SLC12A1: variants seen among roughly 807,000 people sequenced by gnomAD.
SLC12A1 encodes Na-K-2Cl cotransporter.
A neutral mutation model predicts 130.4 loss-of-function variants in SLC12A1; 89 were observed. The ratio of observed to expected loss-of-function variants is 0.68; its 90% CI spans 0.58 to 0.81. The LOEUF is 0.81. SLC12A1 is among the 40% of genes least tolerant of loss of function. SLC12A1 has a pLI of 0.00. For synonymous variants in SLC12A1, 499 were observed against 460.0 expected, an observed-to-expected ratio of 1.08 and a Z score of -1.09; for missense variants, 1,310 against 1,336.4, an observed-to-expected ratio of 0.98 and a Z score of 0.31.
intron 5 of SLC12A1, chr15:48,228,016 T>C (rs770950874): frequency 4.6e-5 from 7 of 152,208 alleles, no homozygotes; most frequent in Non-Finnish European, 1.0e-4. Flanking sequence ...CCAAAAGAGT[T>C]ACTATAGTGA....
intron 4 of SLC12A1, chr15:48,225,292 T>C (rs980882389): frequency 6.6e-6 from 1 of 152,194 alleles, no homozygotes; most frequent in African/African-American, 2.4e-5. Flanking sequence ...TGCTATACTG[T>C]ATGTAGTTCT....
chr15:48,288,656 T>A, intron 23 of SLC12A1, 140 bp downstream of exon 23: 1 of 564,368 alleles, frequency 1.8e-6, no homozygotes, highest in Non-Finnish European at 3.2e-6. Flanking sequence ...GTTTACTTGG[T>A]TATCTGGTCA....
intron 10 of SLC12A1, among the ~76,000 whole-genome samples, chr15:48,243,914 G>T (rs34220787): frequency 6.6e-6 from 1 of 152,068 alleles, no homozygotes; most frequent in Non-Finnish European, 1.5e-5. Context: ...TACTTCACAC[G>T]TATATTCATA....
rs36036907 is a variant in SLC12A1 at position 48,291,965 on chromosome 15, C to T, written c.2960+101C>T. ...TAAAAATGTTATGTATTTACTGCAGCGACTTCTTGATAGGATCTAATAAGA... is the reference window on the plus strand; with the variant it reads ...TAAAAATGTTATGTATTTACTGCAGTGACTTCTTGATAGGATCTAATAAGA... On this transcript the variant is annotated intron_variant, in intron 24 of 26. Coordinates refer to ENST00000380993, the MANE Select transcript of SLC12A1 (RefSeq NM_000338.3). The T allele has an allele frequency of 5.6e-3, 4,225 of 753,418 alleles. 52 individuals carry two copies. Among genetic ancestry groups the T allele is most frequent in the Middle Eastern group, 0.034 (136 of 4,050 alleles). The allele number at this position is 753,418 out of a possible 1,614,324, so 46.7% of individuals were successfully genotyped here.
chr15:48,213,954 G>A (rs575161107), intron 2 of SLC12A1, among the ~76,000 whole-genome samples: 1 of 152,212 alleles, frequency 6.6e-6, no homozygotes, highest in South Asian at 2.1e-4. Context: ...TTCTATAAAA[G>A]GACAAAAATG....
chr15:48,247,296 A>G (rs751726596), intron 12 of SLC12A1, 41 bp from the exon 13 acceptor site: 2 of 1,586,922 alleles, frequency 1.3e-6, no homozygotes, highest in Non-Finnish European at 1.7e-6. Context: ...ATGACTGTGC[A>G]TAGCTATAAA....
In SLC12A1 at chr15:48,251,630, A is replaced by C; in HGVS notation, c.1802A>C (p.Tyr601Ser). Reference sequence around the variant, plus strand: ...TTGTTTTCAGGATGGAGACCTGCGTATGGAATTTACAACATGTGGGTATCT... The same window carrying C: ...TTGTTTTCAGGATGGAGACCTGCGTCTGGAATTTACAACATGTGGGTATCT... ...YAKSPGWRPAYGIYNMWVSLF... is the reference protein window; with the variant it reads ...YAKSPGWRPASGIYNMWVSLF... Residue 601 changes from tyrosine (Y) to serine (S), a missense_variant, in exon 15 of 27, where the codon TAT (tyrosine) becomes TCT (serine). By Grantham distance (144) the Tyr-to-Ser change is moderately radical (BLOSUM62 -2). Coordinates refer to ENST00000380993, the MANE Select transcript of SLC12A1 (RefSeq NM_000338.3). 6.2e-7 allele frequency: 1 copy of C among 1,613,792 alleles called. No homozygotes were observed. The highest frequency in any genetic ancestry group is 8.5e-7 in the Non-Finnish European group (1 of 1,179,732).
At chr15:48,294,389 A>G (rs1223824998) in intron 24 of SLC12A1, among the ~76,000 whole-genome samples, 2 of 151,926 alleles carry the variant, frequency 1.3e-5, no homozygotes, top group African/African-American at 4.8e-5. Flanking sequence ...AGAAAAATAC[A>G]TTAACTGTGA....
intron 5 of SLC12A1, 150 bp from the exon 6 acceptor site, chr15:48,229,039 C>A: frequency 1.3e-6 from 1 of 777,622 alleles, no homozygotes; most frequent in Non-Finnish European, 2.0e-6. Flanking sequence ...AAGTTATTCA[C>A]TGGGTAACAC....
rs748462227 is a variant in SLC12A1 at position 48,285,133 on chromosome 15, G to A, written c.2513G>A (p.Arg838Lys). ...GAATTAGAGAGATTAGAACAGGAGA[G>A]ACTAGCATTGGAAGCGACTATCAAA... Reference protein sequence around the residue: ...QEELERLEQERLALEATIKDN... With the variant: ...QEELERLEQEKLALEATIKDN... Residue 838 changes from arginine to lysine, a missense_variant, in exon 21 of 27, where the codon AGA becomes AAA. Physicochemically the swap from Arg to Lys is conservative, Grantham distance 26. Transcript: ENST00000380993. The A allele has an allele frequency of 1.9e-6, 3 of 1,613,158 alleles. No homozygotes were observed. Among genetic ancestry groups the A allele is most frequent in the East Asian group, 4.5e-5 (2 of 44,860 alleles).
intron 9 of SLC12A1, among the ~76,000 whole-genome samples, chr15:48,239,705 C>A (rs960009662): frequency 4.0e-5 from 6 of 151,678 alleles, no homozygotes; most frequent in Non-Finnish European, 8.8e-5. Flanking sequence ...GGCTGGAGTG[C>A]GGTGGCACAA....
intron 10 of SLC12A1, among the ~76,000 whole-genome samples, chr15:48,242,913 TGAC>T (rs1287535310): frequency 6.6e-6 from 1 of 152,252 alleles, no homozygotes; most frequent in Admixed American, 6.5e-5. Flanking sequence ...CATTTTTAAA[TGAC>T]TTTGAAACCA....
At chr15:48,208,883 G>T (rs7170260) in intron 2 of SLC12A1, among the ~76,000 whole-genome samples, 125,965 of 152,160 alleles carry the variant, frequency 0.83, 56,232 homozygotes, top group Non-Finnish European at 1. Context: ...AAAGGGCAGA[G>T]ATTTATAAGA....
intron 14 of SLC12A1, among the ~76,000 whole-genome samples, chr15:48,250,943 A>C (rs2041641398): frequency 1.3e-5 from 2 of 152,132 alleles, no homozygotes. Context: ...AGGGAACTAA[A>C]AGAACACAGA....
chr15:48,267,444 CT>C, intron 17 of SLC12A1, 116 bp from the exon 18 acceptor site: 1 of 1,143,486 alleles, frequency 8.7e-7, no homozygotes, highest in Non-Finnish European at 1.2e-6. Flanking sequence ...GTGTTTTTCC[CT>C]CTTTCCCATT....
intron 8 of SLC12A1, among the ~76,000 whole-genome samples, chr15:48,233,169 C>G (rs1342728722): frequency 6.6e-6 from 1 of 152,168 alleles, no homozygotes; most frequent in Non-Finnish European, 1.5e-5. Context: ...GAGTTGGATT[C>G]AGGAGACCCA....
chr15:48,300,822 G>C (rs1352237222), intron 25 of SLC12A1, among the ~76,000 whole-genome samples: 2 of 152,198 alleles, frequency 1.3e-5, no homozygotes, highest in East Asian at 1.9e-4. Flanking sequence ...AGAATATTCA[G>C]AGAGCTTAAA....
chr15:48,249,724 G>C (rs375917006), intron 14 of SLC12A1, 48 bp downstream of exon 14: 17 of 1,341,434 alleles, frequency 1.3e-5, no homozygotes, highest in African/African-American at 1.2e-4. Context: ...CAGTTAGTTT[G>C]TCTCAATAAA....
rs1476141226 is a variant in SLC12A1 at position 48,208,018 on chromosome 15, C to A, written c.299C>A (p.Thr100Asn). The change falls in exon 2 of 27, where the codon ACT becomes AAT. Residue 100 changes from threonine to asparagine, a missense_variant. Transcript: ENST00000380993. ...CACACAAACACATACTATCTACAAA[C>A]TTTTGGCCACAACACCATGGATGCC... is the stretch of plus-strand genomic sequence containing the variant. ...DSHTNTYYLQ[T>N]FGHNTMDAVP... 7 of 1,613,998 alleles carry A rather than the reference C, an allele frequency of 4.3e-6. No individual in the cohort carries two copies. In the East Asian group the frequency reaches 1.6e-4, roughly 36 times the overall value.
Sources: gnomAD v4.1 joint callset for allele counts (sites outside exome capture counted in the v4.1 genomes callset) on GRCh38, gnomAD v4.1.1 for gene constraint, MANE v1.5 for transcripts, NCBI Gene and HGNC (gene_info 2026-07-23, HGNC 2026-07-21) for gene names.